The following ANK3 variants were observed in gnomAD, a reference collection of about 807,000 sequenced individuals.
ANK3 encodes the protein ankyrin 3.
ANK3 carries 57 observed loss-of-function variants against 370.9 expected under a neutral mutation model. The observed-to-expected ratio is 0.15, with a 90% CI of 0.12 to 0.19. The LOEUF is 0.19. Among genes scored for constraint, ANK3 ranks in the 10% least tolerant of loss-of-function variants. The pLI, the probability that ANK3 is intolerant of heterozygous loss-of-function variation, is 1.00. For synonymous variants in ANK3, 1,929 were observed against 1,946.3 expected, an observed-to-expected ratio of 0.99 and a Z score of 0.23; for missense variants, 4,439 against 5,302.1, an observed-to-expected ratio of 0.84 and a Z score of 5.06.
chr10:60,335,817 C>A (rs896245944), intron 1 of ANK3, among the ~76,000 whole-genome samples: 1 of 152,088 alleles, frequency 6.6e-6, no homozygotes, highest in Non-Finnish European at 1.5e-5. Flanking sequence ...CTAGCAGATT[C>A]TATTATTATG....
At position 60,593,137 on chromosome 10, in the gene ANK3, T is replaced by G. The variant is rs1020632116; in HGVS notation, c.96+22049A>C. Among the ~76,000 whole-genome samples, 3 of 152,346 alleles carry G rather than the reference T, an allele frequency of 2.0e-5. No homozygotes were observed. In the East Asian group the frequency reaches 5.8e-4, roughly 29 times the overall value. ...GAGTTGCCAAGGGCTACCTTAAAGA[T>G]AATTAGCAGTGGCTAGAAAGATAAC... On this transcript the variant is annotated intron_variant, in intron 2 of 43. Coordinates refer to the ANK3 transcript ENST00000373827.
At chr10:60,235,305 G>A (rs1374175679) in intron 7 of ANK3, among the ~76,000 whole-genome samples, 2 of 152,152 alleles carry the variant, frequency 1.3e-5, no homozygotes, top group African/African-American at 2.4e-5. Context: ...TCCCATGCCC[G>A]TGGTGCTTAA....
At chr10:60,512,852 G>A (rs1160373080) in intron 2 of ANK3, among the ~76,000 whole-genome samples, 1 of 152,098 alleles carries the variant, frequency 6.6e-6, no homozygotes, top group Non-Finnish European at 1.5e-5. Context: ...AGCAGTAATG[G>A]TGGCCTCTAT....
intron 8 of ANK3, among the ~76,000 whole-genome samples, chr10:60,232,522 C>CAG (rs2097261315): frequency 6.6e-6 from 1 of 152,194 alleles, no homozygotes; most frequent in Non-Finnish European, 1.5e-5. Flanking sequence ...ATAATTGCTT[C>CAG]TTACTGGAAT....
chr10:60,144,645 C>A (rs2094723939), intron 23 of ANK3, among the ~76,000 whole-genome samples: 1 of 152,150 alleles, frequency 6.6e-6, no homozygotes, highest in Admixed American at 6.5e-5. Flanking sequence ...ATTTCCTACA[C>A]CATAATCAAC....
At chr10:60,415,562 C>A (rs1053993832) in intron 2 of ANK3, among the ~76,000 whole-genome samples, 1 of 152,072 alleles carries the variant, frequency 6.6e-6, no homozygotes, top group Non-Finnish European at 1.5e-5. Context: ...CCACACCCTG[C>A]TACAGGCTTC....
chr10:60,646,506 T>C (rs1391547000), intron 1 of ANK3, among the ~76,000 whole-genome samples: 1 of 152,076 alleles, frequency 6.6e-6, no homozygotes, highest in African/African-American at 2.4e-5. Flanking sequence ...AGGCCCGAAG[T>C]TCTAGACTAG....
At chr10:60,503,911 G>A (rs1216206997) in intron 2 of ANK3, among the ~76,000 whole-genome samples, 1 of 152,228 alleles carries the variant, frequency 6.6e-6, no homozygotes, top group South Asian at 2.1e-4. Context: ...TTTTTCCCAA[G>A]TAATGTGATA....
rs1045301576 is a variant in ANK3, at chr10:60,091,651, G to A, written c.3329-3293C>T. On this transcript the variant is annotated intron_variant, in intron 28 of 43. Coordinates refer to ENST00000280772, the MANE Select transcript of ANK3 (RefSeq NM_020987.5). ...AGAGCGACTGCCCTGTATAACCTGC[G>A]GAAATTGCTGTACACCTGAGCAAGA... Among the ~76,000 whole-genome samples, 7 of 152,140 alleles carry A rather than the reference G, an allele frequency of 4.6e-5. No homozygotes were observed. The South Asian group carries it at 6.2e-4, about 14-fold the overall frequency.
At chr10:60,366,421 G>A (rs549527569) in intron 1 of ANK3, among the ~76,000 whole-genome samples, 123 of 152,236 alleles carry the variant, frequency 8.1e-4, no homozygotes, top group Middle Eastern at 3.4e-3. Context: ...TAGTGATAAT[G>A]ACCCTGCCAG....
At chr10:60,479,976 T>C (rs925591280) in intron 2 of ANK3, among the ~76,000 whole-genome samples, 4 of 152,216 alleles carry the variant, frequency 2.6e-5, no homozygotes, top group East Asian at 1.9e-4. Context: ...ACAGTAACTA[T>C]TCAGTACATT....
At chr10:60,698,963 T>C (rs1241212679) in intron 1 of ANK3, among the ~76,000 whole-genome samples, 1 of 150,698 alleles carries the variant, frequency 6.6e-6, no homozygotes, top group Non-Finnish European at 1.5e-5. Context: ...TTGGAGTGAA[T>C]TAAAGACATT....
intron 2 of ANK3, among the ~76,000 whole-genome samples, chr10:60,401,650 T>C (rs1346036650): frequency 6.6e-6 from 1 of 152,246 alleles, no homozygotes; most frequent in Non-Finnish European, 1.5e-5. Flanking sequence ...TTAACATATA[T>C]AATGAATATC....
intron 32 of ANK3, 89 bp from the exon 33 acceptor site, chr10:60,083,706 C>G: frequency 2.6e-6 from 3 of 1,152,708 alleles, no homozygotes; most frequent in Non-Finnish European, 3.7e-6. Flanking sequence ...AAAAGACTGA[C>G]GTTACTATGT....
intron 7 of ANK3, among the ~76,000 whole-genome samples, chr10:60,240,281 C>CATATATATATATATAT: frequency 1.1e-5 from 1 of 88,350 alleles, no homozygotes; most frequent in East Asian, 2.9e-4. Flanking sequence ...TACACACACA[C>CATATATATATATATAT]ATATATATAT....
intron 1 of ANK3, among the ~76,000 whole-genome samples, chr10:60,323,994 A>G (rs573218779): frequency 6.6e-6 from 1 of 152,278 alleles, no homozygotes; most frequent in Admixed American, 6.5e-5. Flanking sequence ...TTCGTGAGGG[A>G]CCCAGAGAAG....
At chr10:60,198,882 C>T (rs1259678814) in intron 13 of ANK3, among the ~76,000 whole-genome samples, 1 of 152,110 alleles carries the variant, frequency 6.6e-6, no homozygotes, top group Non-Finnish European at 1.5e-5. Flanking sequence ...ACTCATATAC[C>T]TGGGAGGGAT....
chr10:60,226,511 A>T (rs1245965956), intron 8 of ANK3, among the ~76,000 whole-genome samples: 4 of 53,262 alleles, frequency 7.5e-5, no homozygotes, highest in East Asian at 7.7e-4. Flanking sequence ...GTATATATAC[A>T]TAGTATATAT....
intron 1 of ANK3, among the ~76,000 whole-genome samples, chr10:60,680,827 G>A (rs1046089268): frequency 3.3e-5 from 5 of 152,048 alleles, no homozygotes; most frequent in African/African-American, 1.2e-4. Flanking sequence ...TGGCTATGTG[G>A]GGAGGTTGTT....
Sources: allele counts gnomAD v4.1 joint callset (sites outside exome capture counted in the v4.1 genomes callset), GRCh38; gene constraint gnomAD v4.1.1; transcripts MANE v1.5; gene names NCBI Gene and HGNC (gene_info 2026-07-23, HGNC 2026-07-21).